The following CDCP1 variants were observed in gnomAD, a reference collection of about 807,000 sequenced individuals.
The protein encoded by CDCP1 is CUB domain containing protein 1.
CDCP1 carries 29 observed loss-of-function variants against 60.2 expected under a neutral mutation model. The observed-to-expected ratio is 0.48, with a 90% confidence interval of 0.36 to 0.66. The LOEUF (loss-of-function observed/expected upper bound fraction) is 0.66. Among genes scored for constraint, CDCP1 ranks in the 30% least tolerant of loss-of-function variants. The pLI is 0.00. For missense variants in CDCP1, 876 were observed against 1,074.3 expected (o/e 0.82, Z 2.58); for synonymous variants, 387 against 431.1 (o/e 0.90, Z 1.27).
At chr3:45,110,377 G>C in intron 4 of CDCP1, 96 bp downstream of exon 4, 2 of 1,510,988 alleles carry the variant, frequency 1.3e-6, no homozygotes, top group South Asian at 1.3e-5. Flanking sequence ...AGAAGCCACA[G>C]ATGAGAAACA....
At chr3:45,129,037 T>G (rs1388905280) in intron 1 of CDCP1, among the ~76,000 whole-genome samples, 5 of 152,244 alleles carry the variant, frequency 3.3e-5, no homozygotes, top group Admixed American at 2.0e-4. Context: ...TTTTCTAAAG[T>G]AACTGAACCA....
chr3:45,122,342 C>T (rs902999003), intron 1 of CDCP1, among the ~76,000 whole-genome samples: 1 of 152,040 alleles, frequency 6.6e-6, no homozygotes, highest in Non-Finnish European at 1.5e-5. Flanking sequence ...TGGGGTTTCA[C>T]CATGTTGGCC....
chr3:45,111,269 T>C (rs1698688022), intron 3 of CDCP1, among the ~76,000 whole-genome samples: 1 of 152,256 alleles, frequency 6.6e-6, no homozygotes, highest in Admixed American at 6.5e-5. Context: ...TGATGAGTTT[T>C]GAGTATTTAT....
chr3:45,125,778 T>C (rs1362873085), intron 1 of CDCP1, among the ~76,000 whole-genome samples: 1 of 152,194 alleles, frequency 6.6e-6, no homozygotes, highest in Non-Finnish European at 1.5e-5. Context: ...CAGTGCCACT[T>C]AAGGAAGCAA....
At position 45,146,351 on chromosome 3, in the gene CDCP1, C is replaced by A; in HGVS notation, c.-64G>T. Reference sequence around the variant, plus strand: ...GTGGGGAGCGGCGGCCCCAGGCGCCCAAGCCCGGCGCAGCTGCGCTCCGCC... The same window carrying A: ...GTGGGGAGCGGCGGCCCCAGGCGCCAAAGCCCGGCGCAGCTGCGCTCCGCC... On this transcript the variant is annotated 5_prime_UTR_variant, in exon 1 of 9. Transcript: ENST00000296129. 1.4e-6 allele frequency: 2 copies of A among 1,419,678 alleles called. No homozygotes were observed. Among genetic ancestry groups the A allele is most frequent in the Non-Finnish European group, 1.9e-6 (2 of 1,060,222 alleles). 87.9% of individuals were successfully genotyped at this position (1,419,678 alleles called of 1,614,324 possible).
Position 45,091,595 on chromosome 3 carries a change from A to C in CDCP1, c.1628-57T>G. 2 of 1,519,658 alleles carry C rather than the reference A, an allele frequency of 1.3e-6. No individual in the cohort carries two copies. Among genetic ancestry groups the C allele is most frequent in the South Asian group, 2.5e-5 (2 of 79,184 alleles). 94.1% of individuals were successfully genotyped at this position (1,519,658 alleles called of 1,614,324 possible). A position where few individuals can be genotyped will look rare whatever the true frequency, so the allele number is the denominator to read the frequency against. On this transcript the variant is annotated intron_variant, in intron 6 of 8. Transcript: ENST00000296129. This position sits in a 1 kb window ranked among gnomAD's most constrained non-coding sequence, Gnocchi z 4.8. ...GTTTCATTCAGTCAACATGGAGAGG[A>C]AAGGGAGTGGTGGAGGAGACGAAGT...
intron 2 of CDCP1, among the ~76,000 whole-genome samples, chr3:45,115,588 T>A (rs1228055753): frequency 6.6e-6 from 1 of 152,248 alleles, no homozygotes; most frequent in Admixed American, 6.5e-5. Flanking sequence ...TTCTTAAATA[T>A]ATCAACGTTC....
intron 8 of CDCP1, among the ~76,000 whole-genome samples, chr3:45,087,883 G>T (rs1158664797): frequency 6.6e-6 from 1 of 152,152 alleles, no homozygotes; most frequent in South Asian, 2.1e-4. Flanking sequence ...TTAGCTGGGC[G>T]TGGTGGCGGG....
At chr3:45,095,241 C>A in intron 5 of CDCP1, 106 bp downstream of exon 5, 1 of 1,024,192 alleles carries the variant, frequency 9.8e-7, no homozygotes, top group Non-Finnish European at 1.5e-6. Context: ...GCCAGATGGG[C>A]CTTTTTGATA....
At chr3:45,131,849 G>A (rs558686913) in intron 1 of CDCP1, among the ~76,000 whole-genome samples, 1 of 152,284 alleles carries the variant, frequency 6.6e-6, no homozygotes, top group East Asian at 1.9e-4. Flanking sequence ...ACCTTACCTT[G>A]GTCTCTGTAG....
Position 45,146,344 on chromosome 3 carries a change from A to C in CDCP1, c.-57T>G. 2 of 1,457,970 alleles carry C rather than the reference A, an allele frequency of 1.4e-6. No individual in the cohort carries two copies. The highest frequency in any genetic ancestry group is 1.8e-6 in the Non-Finnish European group (2 of 1,090,096). 90.3% of individuals were successfully genotyped at this position (1,457,970 alleles called of 1,614,324 possible). A position where few individuals can be genotyped will look rare whatever the true frequency, so the allele number is the denominator to read the frequency against. ...AACGACGGTGGGGAGCGGCGGCCCCAGGCGCCCAAGCCCGGCGCAGCTGCG... is the reference window on the plus strand; with the variant it reads ...AACGACGGTGGGGAGCGGCGGCCCCCGGCGCCCAAGCCCGGCGCAGCTGCG... On this transcript the variant is annotated 5_prime_UTR_variant, in exon 1 of 9. Coordinates refer to ENST00000296129, the MANE Select transcript of CDCP1 (RefSeq NM_022842.5).
rs749672068 is a variant in CDCP1 at position 45,110,797 on chromosome 3, T to C, written c.700A>G (p.Thr234Ala). The C allele has an allele frequency of 6.2e-7, 1 of 1,613,916 alleles. No individual in the cohort carries two copies. Among genetic ancestry groups the C allele is most frequent in the East Asian group, 2.2e-5 (1 of 44,864 alleles). The change falls in exon 4 of 9, where the codon ACC (threonine) becomes GCC (alanine). Residue 234 changes from threonine to alanine, a missense_variant. By Grantham distance (58) the Thr-to-Ala change is moderately conservative. This residue lies in a region of CDCP1 where 726 missense variants were observed against 935.7 expected (regional missense o/e 0.78). Transcript: ENST00000296129. ...TCTGGGTAGTTGGCAGACATCAGGG[T>C]TGCTGAGCCTTCACCCTCAAACACA... ...ESVFEGEGSA[T>A]LMSANYPEGF...
chr3:45,141,176 G>C (rs747475508), intron 1 of CDCP1, among the ~76,000 whole-genome samples: 44 of 151,704 alleles, frequency 2.9e-4, no homozygotes, highest in Non-Finnish European at 5.0e-4. Flanking sequence ...ATTCCAGCCT[G>C]GGCAACAGAG....
At chr3:45,121,282 T>A (rs1347437386) in intron 1 of CDCP1, among the ~76,000 whole-genome samples, 1 of 152,218 alleles carries the variant, frequency 6.6e-6, no homozygotes, top group East Asian at 1.9e-4. Flanking sequence ...GTGTGGCCAT[T>A]TAGAATCTTC....
intron 5 of CDCP1, 130 bp downstream of exon 5, chr3:45,095,217 A>G: frequency 1.3e-6 from 1 of 789,000 alleles, no homozygotes; most frequent in South Asian, 1.7e-5. Flanking sequence ...TACAGGCGTG[A>G]GCCATCGTGC....
chr3:45,118,463 T>G lies in CDCP1; in HGVS notation c.241A>C (p.Ser81Arg). ...AAGTGATTCTCAGGACTCTGGCAGC[T>G]AAAGGTAAAGACTATTCTTTCTCCA... ...KSGERIVFTFSCQSPENHFVI... is the reference protein window; with the variant it reads ...KSGERIVFTFRCQSPENHFVI... The change falls in exon 2 of 9, where the codon AGC becomes CGC. Residue 81 changes from serine to arginine, a missense_variant. Transcript: ENST00000296129. The G allele has an allele frequency of 6.2e-7, 1 of 1,614,212 alleles. No homozygotes were observed.
intron 1 of CDCP1, among the ~76,000 whole-genome samples, chr3:45,123,076 G>C (rs2126002299): frequency 6.6e-6 from 1 of 151,422 alleles, no homozygotes; most frequent in South Asian, 2.1e-4. Context: ...AGAGCCCATT[G>C]TTCCAACTCT....
At chr3:45,102,547 G>A (rs1043438672) in intron 4 of CDCP1, among the ~76,000 whole-genome samples, 1 of 147,130 alleles carries the variant, frequency 6.8e-6, no homozygotes, top group Admixed American at 6.8e-5. Flanking sequence ...GCTCATGCCT[G>A]TAATCCCAGC....
intron 1 of CDCP1, among the ~76,000 whole-genome samples, chr3:45,122,300 C>T (rs142482348): frequency 4.6e-5 from 7 of 152,182 alleles, no homozygotes; most frequent in Admixed American, 2.0e-4. Flanking sequence ...TGTGCCACCA[C>T]GCTCAGCTAA....
Sources: allele counts gnomAD v4.1 joint callset (sites outside exome capture counted in the v4.1 genomes callset), GRCh38; gene constraint gnomAD v4.1.1; regional missense constraint gnomAD v4.1.1; non-coding constraint Gnocchi (gnomAD v3.1); transcripts MANE v1.5; gene names NCBI Gene and HGNC (gene_info 2026-07-23, HGNC 2026-07-21).